Variants in TRIM29 observed in about 807,000 individuals in gnomAD.
TRIM29 encodes tripartite motif-containing protein 29.
TRIM29 carries 52 observed loss-of-function variants against 57.3 expected under a neutral mutation model. That is an observed-to-expected ratio of 0.91 (90% CI 0.73 to 1.14). TRIM29 has a LOEUF of 1.14. TRIM29 is among the 50% of genes most tolerant of loss of function. The probability of loss-of-function intolerance (pLI) is 0.00; values close to 1 mark genes in which losing one functional copy is unlikely to be tolerated. For missense variants in TRIM29, 753 were observed against 774.6 expected (o/e 0.97, Z 0.33); for synonymous variants, 319 against 316.9 (o/e 1.01, Z -0.07).
At chr11:120,120,182 G>C (rs989157322) in intron 6 of TRIM29, among the ~76,000 whole-genome samples, 4 of 48,324 alleles carry the variant, frequency 8.3e-5, no homozygotes, top group Admixed American at 3.5e-4. Context: ...TGGGGGGGGT[G>C]GCGCATTCCC....
chr11:120,125,837 T>C lies in TRIM29; in HGVS notation c.1187A>G (p.Tyr396Cys). 6.2e-7 allele frequency: 1 copy of C among 1,614,052 alleles called. No individual in the cohort carries two copies. The highest frequency in any genetic ancestry group is 8.5e-7 in the Non-Finnish European group (1 of 1,180,006). ...GCCCTCCCCCTCCAGCAGGACATGA[T>C]AGGTGGGCAGGGGTGGGGGGAGAGA... Reference protein sequence around the residue: ...NYSLPPPLPTYHVLLEGEGLG... With the variant: ...NYSLPPPLPTCHVLLEGEGLG... The change falls in exon 4 of 9, where the codon TAT (tyrosine) becomes TGT (cysteine). Residue 396 changes from tyrosine to cysteine, a missense_variant. Tyr to Cys is a radical substitution (Grantham distance 194). Transcript: ENST00000341846.
intron 5 of TRIM29, chr11:120,121,921 T>A: frequency 2.2e-6 from 1 of 445,388 alleles, no homozygotes; most frequent in Non-Finnish European, 4.5e-6. Flanking sequence ...GGGCCGGCAC[T>A]CCCAGAACTT....
Position 120,112,109 on chromosome 11 carries a change from G to A in TRIM29, c.*305C>T. 2 of 373,866 alleles carry A rather than the reference G, an allele frequency of 5.3e-6. 1 individual carries two copies. The highest frequency in any genetic ancestry group is 4.9e-5 in the South Asian group (2 of 40,650). 23.2% of individuals were successfully genotyped at this position (373,866 alleles called of 1,614,324 possible). A position where few individuals can be genotyped will look rare whatever the true frequency, so the allele number is the denominator to read the frequency against. ...GCTAGCCCCCAGATCCAGCCCGAGA[G>A]GAGGAGGCTGGCGGGTTAGGGCAGG... On this transcript the variant is annotated 3_prime_UTR_variant, in exon 9 of 9. Coordinates refer to ENST00000341846, the MANE Select transcript of TRIM29 (RefSeq NM_012101.4).
intron 1 of TRIM29, among the ~76,000 whole-genome samples, chr11:120,130,632 C>T (rs1343295055): frequency 6.6e-6 from 1 of 152,208 alleles, no homozygotes; most frequent in African/African-American, 2.4e-5. Context: ...TCCAGGGAAG[C>T]TGTGGGATGC....
intron 2 of TRIM29, among the ~76,000 whole-genome samples, chr11:120,128,059 A>G (rs947406260): frequency 6.6e-6 from 1 of 152,210 alleles, no homozygotes; most frequent in Non-Finnish European, 1.5e-5. Context: ...CCAAAATGGC[A>G]TAAGTAGAGA....
intron 1 of TRIM29, among the ~76,000 whole-genome samples, chr11:120,132,026 C>T (rs1221414983): frequency 2.6e-5 from 4 of 151,436 alleles, no homozygotes; most frequent in African/African-American, 9.7e-5. Flanking sequence ...AGCGGTAAGG[C>T]CAAGCTTCAA....
intron 5 of TRIM29, 101 bp from the exon 6 acceptor site, chr11:120,120,766 C>G: frequency 1.1e-6 from 1 of 938,694 alleles, no homozygotes; most frequent in Non-Finnish European, 1.7e-6. Flanking sequence ...GACCTGGATT[C>G]CACCACTGAG....
intron 4 of TRIM29, chr11:120,125,425 G>C (rs1863560588): frequency 4.0e-6 from 2 of 504,422 alleles, no homozygotes; most frequent in Non-Finnish European, 7.1e-6. Flanking sequence ...ACAACCCACA[G>C]AGAGGAGGCA....
chr11:120,130,165 T>G (rs477361), intron 1 of TRIM29, among the ~76,000 whole-genome samples: 133,847 of 151,678 alleles, frequency 0.88, 59,178 homozygotes, highest in African/African-American at 0.92. Flanking sequence ...AAAGGCCTCT[T>G]AGGAGGCTGG....
At chr11:120,136,282 T>C (rs897802922) in intron 1 of TRIM29, among the ~76,000 whole-genome samples, 3 of 152,216 alleles carry the variant, frequency 2.0e-5, no homozygotes, top group Non-Finnish European at 4.4e-5. Flanking sequence ...CCAAGCATCA[T>C]AGCTTAACCT....
intron 3 of TRIM29, among the ~76,000 whole-genome samples, chr11:120,126,589 T>C (rs939077815): frequency 6.6e-6 from 1 of 152,156 alleles, no homozygotes; most frequent in Admixed American, 6.5e-5. Context: ...GTGCTGCCTT[T>C]GCACTTCTCA....
chr11:120,132,353 C>T (rs1421742948), intron 1 of TRIM29, among the ~76,000 whole-genome samples: 1 of 152,138 alleles, frequency 6.6e-6, no homozygotes, highest in Non-Finnish European at 1.5e-5. Flanking sequence ...TCCCGCCCTG[C>T]CCACACCTCC....
Position 120,112,494 on chromosome 11 carries a change from G to C in TRIM29, c.1705-18C>G, listed in dbSNP as rs568379408. On this transcript the variant is annotated intron_variant, in intron 8 of 8. Coordinates refer to ENST00000341846, the MANE Select transcript of TRIM29 (RefSeq NM_012101.4). ...TAGTGAGACTGTGGGGGAAACAAGA[G>C]TGGTCAGCGAGGCCAGACGACAGAT... The C allele has an allele frequency of 1.2e-6, 2 of 1,613,726 alleles. No individual in the cohort carries two copies. The highest frequency in any genetic ancestry group is 1.7e-4 in the Middle Eastern group (1 of 6,060).
chr11:120,119,468 C>A (rs1038816228), intron 6 of TRIM29, among the ~76,000 whole-genome samples: 1 of 152,204 alleles, frequency 6.6e-6, no homozygotes, highest in African/African-American at 2.4e-5. Context: ...GTAAGCACGT[C>A]CAGCCAGGGT....
At chr11:120,122,195 C>T (rs1049358001) in intron 5 of TRIM29, among the ~76,000 whole-genome samples, 2 of 151,092 alleles carry the variant, frequency 1.3e-5, no homozygotes, top group Admixed American at 6.6e-5. Flanking sequence ...GATTAGCTCC[C>T]GGAGGCTTCC....
rs1471054677 is a variant in TRIM29, at chr11:120,137,494, T to G, written c.538A>C (p.Lys180Gln). The G allele has an allele frequency of 1.9e-6, 3 of 1,602,424 alleles. No individual in the cohort carries two copies. Among genetic ancestry groups the G allele is most frequent in the Non-Finnish European group, 2.5e-6 (3 of 1,179,842 alleles). Residue 180 changes from lysine (K) to glutamine (Q), a missense_variant, in exon 1 of 9, where the codon AAG (lysine) becomes CAG (glutamine). Transcript: ENST00000341846. The surrounding 1 kb of genome is among the most constrained non-coding windows in gnomAD (Gnocchi z 6.2). ...AGGCAGGACTTGACCGCCTTCTGCT[T>G]GTTGCCGATGCAGGAGTCGCACAGC... is the stretch of plus-strand genomic sequence containing the variant. ...EVLCDSCIGN[K>Q]QKAVKSCLVC...
intron 1 of TRIM29, 35 bp from the exon 2 acceptor site, chr11:120,128,530 G>C: frequency 6.3e-7 from 1 of 1,594,774 alleles, no homozygotes; most frequent in Admixed American, 1.7e-5. Flanking sequence ...AGAAGTCAGG[G>C]GGAGGAGATG....
rs111863883 is a variant in TRIM29, at chr11:120,127,645, T to C, written c.901-76A>G. ...AGAAATCACCCTAGTCGGGTATGTC[T>C]TTAGGTTTCCAGCACAGGATCAGGG... On this transcript the variant is annotated intron_variant, in intron 2 of 8. Transcript: ENST00000341846. The C allele has an allele frequency of 2.4e-3, 3,319 of 1,363,104 alleles. 71 individuals carry two copies. In the African/African-American group the frequency reaches 0.044, roughly 18 times the overall value. 84.4% of individuals were successfully genotyped at this position (1,363,104 alleles called of 1,614,324 possible). A position where few individuals can be genotyped will look rare whatever the true frequency, so the allele number is the denominator to read the frequency against.
chr11:120,136,345 ATCT>A (rs1368648652), intron 1 of TRIM29, among the ~76,000 whole-genome samples: 1 of 152,222 alleles, frequency 6.6e-6, no homozygotes, highest in Non-Finnish European at 1.5e-5. Flanking sequence ...GTTTGGCAAA[ATCT>A]TCTACTACAA....
Sources: gnomAD v4.1 joint callset for allele counts (sites outside exome capture counted in the v4.1 genomes callset) on GRCh38, gnomAD v4.1.1 for gene constraint, Gnocchi (gnomAD v3.1) non-coding constraint, MANE v1.5 for transcripts, NCBI Gene and HGNC (gene_info 2026-07-23, HGNC 2026-07-21) for gene names.